Variants in NAV1 observed in about 807,000 individuals in gnomAD.
NAV1 encodes pore membrane and/or filament interacting like protein 3.
A neutral mutation model predicts 175.2 loss-of-function variants in NAV1; 18 were observed. That is an observed-to-expected ratio of 0.10 (90% CI 0.07 to 0.15). The LOEUF (loss-of-function observed/expected upper bound fraction) is 0.15, where lower values mean the gene tolerates loss of function less well. Among genes scored for constraint, NAV1 ranks in the 10% least tolerant of loss-of-function variants. The probability of loss-of-function intolerance (pLI) is 1.00; values close to 1 mark genes in which losing one functional copy is unlikely to be tolerated. For missense variants in NAV1, 1,731 were observed against 2,436.6 expected, an observed-to-expected ratio of 0.71 and a Z score of 6.10; for synonymous variants, 897 against 978.7, an observed-to-expected ratio of 0.92 and a Z score of 1.56.
intron 1 of NAV1, among the ~76,000 whole-genome samples, chr1:201,678,095 A>G (rs1250161729): frequency 3.9e-5 from 6 of 152,210 alleles, no homozygotes; most frequent in African/African-American, 1.2e-4. Context: ...TGAATTAAAC[A>G]TCTCAGAAAT....
intron 1 of NAV1, among the ~76,000 whole-genome samples, chr1:201,549,647 T>A (rs1347501520): frequency 1.3e-5 from 2 of 151,134 alleles, no homozygotes; most frequent in East Asian, 4.0e-4. Flanking sequence ...TAAGCAGAGC[T>A]CAATATACTT....
chr1:201,715,476 A>C (rs1201460865), intron 2 of NAV1, among the ~76,000 whole-genome samples: 1 of 152,136 alleles, frequency 6.6e-6, no homozygotes, highest in Non-Finnish European at 1.5e-5. Flanking sequence ...TTTACTTTTT[A>C]AAGGGCTTTC....
Position 201,543,234 on chromosome 1 carries a change from T to C in NAV1, c.-144+3892T>C, listed in dbSNP as rs1373304165. On this transcript the variant is annotated intron_variant, in intron 1 of 33. Coordinates refer to the NAV1 transcript ENST00000685211. Reference sequence around the variant, plus strand: ...TTAGGGGGATTTCTTGATTTTAGCCTTTCACCAGTGAGCGTGATGTTAGCT... The same window carrying C: ...TTAGGGGGATTTCTTGATTTTAGCCCTTCACCAGTGAGCGTGATGTTAGCT... Among the ~76,000 whole-genome samples the C allele has an allele frequency of 9.2e-5, 14 of 152,338 alleles. No individual in the cohort carries two copies. The South Asian group carries it at 1.7e-3, about 18-fold the overall frequency.
chr1:201,600,453 T>G (rs1667482616), intron 2 of NAV1, among the ~76,000 whole-genome samples: 1 of 152,196 alleles, frequency 6.6e-6, no homozygotes, highest in Non-Finnish European at 1.5e-5. Context: ...AGAACATTAG[T>G]GGAAGAACTG....
At chr1:201,615,158 C>T (rs1432758200) in intron 2 of NAV1, among the ~76,000 whole-genome samples, 1 of 152,212 alleles carries the variant, frequency 6.6e-6, no homozygotes, top group Non-Finnish European at 1.5e-5. Context: ...ATCCACCAGA[C>T]TGTCCCATTC....
chr1:201,747,740 C>T (rs560829008), intron 3 of NAV1, among the ~76,000 whole-genome samples: 1 of 152,356 alleles, frequency 6.6e-6, no homozygotes, highest in Admixed American at 6.5e-5. Flanking sequence ...GTTTTTGCCA[C>T]TTCTTCCCAT....
chr1:201,778,565 A>G (rs1193230227), intron 3 of NAV1, among the ~76,000 whole-genome samples: 1 of 152,232 alleles, frequency 6.6e-6, no homozygotes, highest in African/African-American at 2.4e-5. Flanking sequence ...GTGAGGTTTA[A>G]TATACATCAG....
chr1:201,648,222 C>T (rs1230089444), upstream of NAV1: 20 of 1,007,928 alleles, frequency 2.0e-5, no homozygotes, highest in Non-Finnish European at 2.2e-5. Context: ...TGAGTGCGGC[C>T]GGGGCGCTGC....
rs922438948 is a variant in NAV1 at position 201,539,894 on chromosome 1, C to G, written c.-144+552C>G. On this transcript the variant is annotated intron_variant, in intron 1 of 33. Coordinates refer to the NAV1 transcript ENST00000685211. The surrounding 1 kb of genome is among the most constrained non-coding windows in gnomAD (Gnocchi z 5.6). ...CCCGGGATGCGCCGGGAAGCGCCCTCCCGCCAATCTCCCGGAGGCCGTCCT... is the reference window on the plus strand; with the variant it reads ...CCCGGGATGCGCCGGGAAGCGCCCTGCCGCCAATCTCCCGGAGGCCGTCCT... 1.3e-5 allele frequency among the ~76,000 whole-genome samples: 2 copies of G among 152,174 alleles called. No individual in the cohort carries two copies. Among genetic ancestry groups the G allele is most frequent in the Non-Finnish European group, 2.9e-5 (2 of 68,034 alleles).
At chr1:201,758,096 C>T (rs1054088971) in intron 3 of NAV1, among the ~76,000 whole-genome samples, 5 of 152,178 alleles carry the variant, frequency 3.3e-5, no homozygotes, top group Admixed American at 6.5e-5. Context: ...TTCTTGCCCA[C>T]GAGTTGCATA....
chr1:201,720,803 A>G (rs1463756685), intron 3 of NAV1, among the ~76,000 whole-genome samples: 1 of 152,094 alleles, frequency 6.6e-6, no homozygotes, highest in Non-Finnish European at 1.5e-5. Context: ...TTGCTATATT[A>G]TTTTTGTTGT....
At chr1:201,627,341 C>T (rs575659754) in intron 1 of NAV1, among the ~76,000 whole-genome samples, 3 of 151,992 alleles carry the variant, frequency 2.0e-5, no homozygotes, top group East Asian at 1.9e-4. Context: ...AGCACGATCT[C>T]GGCTCACTGC....
exon 1 of NAV1, chr1:201,649,230 G>C: frequency 6.2e-7 from 1 of 1,613,114 alleles, no homozygotes; most frequent in South Asian, 1.1e-5. Context: ...GCTCAGCAAG[G>C]CGCCTGAAGC....
chr1:201,684,629 C>T (rs1349136543), intron 1 of NAV1, among the ~76,000 whole-genome samples: 1 of 151,676 alleles, frequency 6.6e-6, no homozygotes, highest in African/African-American at 2.4e-5. Flanking sequence ...CATCTGCCAC[C>T]ACGCCTGGCT....
Position 201,789,948 on chromosome 1 carries a change from G to A in NAV1, c.3219+156G>A, listed in dbSNP as rs187536592. 1.4e-3 allele frequency among the ~76,000 whole-genome samples: 212 copies of A among 152,260 alleles called. 1 individual carries two copies. Among genetic ancestry groups the A allele is most frequent in the African/African-American group, 4.7e-3 (197 of 41,542 alleles). On this transcript the variant is annotated intron_variant, in intron 11 of 29. Coordinates refer to ENST00000367296, the Ensembl canonical transcript of NAV1. ...GGTGGGAATGGGGGAGGCACCTAGA[G>A]CTTGTAGCATTCACTTGGGTGCCTC...
intron 3 of NAV1, among the ~76,000 whole-genome samples, chr1:201,739,067 A>G (rs1354279704): frequency 1.3e-5 from 2 of 152,044 alleles, no homozygotes; most frequent in African/African-American, 4.8e-5. Flanking sequence ...CTCAGGGGGG[A>G]GGAACCCAAT....
At chr1:201,733,405 AG>A (rs1233897860) in intron 3 of NAV1, 1 of 152,218 alleles carries the variant, frequency 6.6e-6, no homozygotes, top group Admixed American at 6.5e-5. Flanking sequence ...AAGTAATGGC[AG>A]TGCTCGCTTT....
Position 201,788,651 on chromosome 1 carries a change from G to A in NAV1, c.3166+13G>A, listed in dbSNP as rs529403162. The A allele has an allele frequency of 1.3e-6, 2 of 1,599,932 alleles. No homozygotes were observed. Among genetic ancestry groups the A allele is most frequent in the East Asian group, 2.2e-5 (1 of 44,646 alleles). On this transcript the variant is annotated intron_variant, in intron 10 of 29. Coordinates refer to ENST00000367296, the Ensembl canonical transcript of NAV1. The surrounding 1 kb of genome is among the most constrained non-coding windows in gnomAD (Gnocchi z 5.7). Reference sequence around the variant, plus strand: ...CCCACGGACGATGGTGAGACTTCATGCTAGCGCGGTTCACGCTCATTCCAG... The same window carrying A: ...CCCACGGACGATGGTGAGACTTCATACTAGCGCGGTTCACGCTCATTCCAG...
intron 1 of NAV1, among the ~76,000 whole-genome samples, chr1:201,579,876 C>T (rs1666798767): frequency 6.6e-6 from 1 of 152,114 alleles, no homozygotes. Context: ...CTGAGAAGTC[C>T]CATGATAGGC....
Sources: gnomAD v4.1 joint callset for allele counts (sites outside exome capture counted in the v4.1 genomes callset) on GRCh38, gnomAD v4.1.1 for gene constraint, Gnocchi (gnomAD v3.1) non-coding constraint, MANE v1.5 for transcripts, NCBI Gene and HGNC (gene_info 2026-07-23, HGNC 2026-07-21) for gene names.